Variants in WDFY4 observed in about 807,000 individuals in gnomAD.
The protein encoded by WDFY4 is WD repeat- and FYVE domain-containing protein 4.
In WDFY4, 169 loss-of-function variants were observed where a neutral mutation model predicts 351.9. The ratio of observed to expected loss-of-function variants is 0.48; its 90% CI spans 0.42 to 0.55. WDFY4 has a LOEUF of 0.55. Among genes scored for constraint, WDFY4 ranks in the 20% least tolerant of loss-of-function variants. The pLI is 0.00. For missense variants in WDFY4, 3,803 were observed against 3,935.6 expected, an observed-to-expected ratio of 0.97 and a Z score of 0.90; for synonymous variants, 1,622 against 1,574.6, an observed-to-expected ratio of 1.03 and a Z score of -0.71.
At chr10:48,833,720 T>G (rs2068278669) in intron 39 of WDFY4, among the ~76,000 whole-genome samples, 1 of 152,248 alleles carries the variant, frequency 6.6e-6, no homozygotes, top group Admixed American at 6.5e-5. Context: ...AGAGGTGGAC[T>G]GTGGTTTTTG....
rs1277030751 is a variant in WDFY4 at position 48,830,868 on chromosome 10, C to A, written c.6509C>A (p.Ala2170Asp). The part of the protein sequence containing the change: ...TPLWEETMLK[A>D]WQHYLASEKK... Reference sequence around the variant, plus strand: ...CTCTGGGAGGAGACGATGCTCAAGGCCTGGCAGCATTACTTAGGTCTCTAT... The same window carrying A: ...CTCTGGGAGGAGACGATGCTCAAGGACTGGCAGCATTACTTAGGTCTCTAT... Residue 2170 changes from alanine (A) to aspartate (D), a missense_variant, in exon 38 of 62, where the codon GCC becomes GAC. Transcript: ENST00000325239. 6.4e-7 allele frequency: 1 copy of A among 1,551,494 alleles called. No homozygotes were observed. Among genetic ancestry groups the A allele is most frequent in the Admixed American group, 2.0e-5 (1 of 50,988 alleles).
chr10:48,803,696 G>C (rs904195075), intron 25 of WDFY4, among the ~76,000 whole-genome samples: 1 of 152,152 alleles, frequency 6.6e-6, no homozygotes, highest in Non-Finnish European at 1.5e-5. Flanking sequence ...CCCTTCAAGT[G>C]GTAGAAATAC....
At chr10:48,832,478 C>A (rs2068222878) in intron 38 of WDFY4, 95 bp from the exon 39 acceptor site, 2 of 1,370,246 alleles carry the variant, frequency 1.5e-6, no homozygotes, top group Non-Finnish European at 1.9e-6. Flanking sequence ...ACAGGGGGCT[C>A]ATGCCCCTGG....
In WDFY4 at chr10:48,881,771, C is replaced by G. The variant is rs142487241; in HGVS notation, c.7167+4572C>G. Among the ~76,000 whole-genome samples the G allele has an allele frequency of 2.0e-4, 31 of 152,262 alleles. No homozygotes were observed. The East Asian group carries it at 5.6e-3, about 28-fold the overall frequency. On this transcript the variant is annotated intron_variant, in intron 43 of 61. Transcript: ENST00000325239. The stretch of plus-strand genomic sequence containing the variant: ...CTCTGTGGCCTGGCACTTCTCCTCC[C>G]CCTCACACCTCCACCAGCCAGGTCC...
At chr10:48,792,017 C>A (rs1426931902) in intron 23 of WDFY4, among the ~76,000 whole-genome samples, 1 of 152,174 alleles carries the variant, frequency 6.6e-6, no homozygotes, top group Admixed American at 6.5e-5. Flanking sequence ...GATACCATAT[C>A]CCAAACTCCC....
chr10:48,893,283 A>G (rs1836907363), intron 44 of WDFY4, among the ~76,000 whole-genome samples: 1 of 152,160 alleles, frequency 6.6e-6, no homozygotes, highest in Non-Finnish European at 1.5e-5. Context: ...GACCCATCCC[A>G]ATGGCTTCAT....
At chr10:48,724,235 C>T (rs1370883244) in intron 5 of WDFY4, among the ~76,000 whole-genome samples, 2 of 152,094 alleles carry the variant, frequency 1.3e-5, no homozygotes, top group African/African-American at 2.4e-5. Flanking sequence ...ACTGTGGGGC[C>T]CGTCGCTGTG....
chr10:48,733,373 T>C (rs900749389), intron 9 of WDFY4, among the ~76,000 whole-genome samples: 1 of 152,210 alleles, frequency 6.6e-6, no homozygotes. Context: ...TTTGCTGGCA[T>C]GGGGATTCAA....
chr10:48,693,293 G>A (rs982874950), intron 1 of WDFY4, among the ~76,000 whole-genome samples: 2 of 152,136 alleles, frequency 1.3e-5, no homozygotes, highest in African/African-American at 2.4e-5. Context: ...GAGCCTGGAG[G>A]CAGAGACTTG....
intron 39 of WDFY4, among the ~76,000 whole-genome samples, chr10:48,850,312 T>C (rs1466778977): frequency 6.6e-6 from 1 of 152,170 alleles, no homozygotes; most frequent in Non-Finnish European, 1.5e-5. Context: ...TCTAAGGAAG[T>C]TTTGTCTCTT....
intron 57 of WDFY4, among the ~76,000 whole-genome samples, chr10:48,974,276 G>A (rs1163871194): frequency 3.3e-5 from 5 of 152,016 alleles, no homozygotes; most frequent in Admixed American, 2.6e-4. Flanking sequence ...GCCAAGGCAG[G>A]TGGATCACTT....
At chr10:48,720,570 C>G (rs2064051095) in intron 3 of WDFY4, among the ~76,000 whole-genome samples, 1 of 151,820 alleles carries the variant, frequency 6.6e-6, no homozygotes, top group South Asian at 2.1e-4. Flanking sequence ...CACAGACACA[C>G]ACTCTACACA....
At chr10:48,837,648 G>A (rs556973272) in intron 39 of WDFY4, among the ~76,000 whole-genome samples, 68 of 152,314 alleles carry the variant, frequency 4.5e-4, no homozygotes, top group South Asian at 8.3e-4. Context: ...ACAGCACCTG[G>A]GGGTGGGAAG....
chr10:48,920,538 A>C (rs79816417), intron 47 of WDFY4, among the ~76,000 whole-genome samples: 21 of 151,938 alleles, frequency 1.4e-4, no homozygotes, highest in African/African-American at 4.6e-4. Context: ...GAAAAAAAAG[A>C]AAAAAAAAGC....
chr10:48,800,344 G>A (rs76166776), intron 24 of WDFY4, among the ~76,000 whole-genome samples: 2,461 of 152,298 alleles, frequency 0.016, 64 homozygotes, highest in African/African-American at 0.053. Context: ...CAGGAGAAAC[G>A]GTGGGATCCG....
chr10:48,894,998 G>A (rs976520008), intron 44 of WDFY4, among the ~76,000 whole-genome samples: 1 of 152,224 alleles, frequency 6.6e-6, no homozygotes, highest in Non-Finnish European at 1.5e-5. Context: ...GAACCAAAGC[G>A]GTGTTTTGTG....
Position 48,877,116 on chromosome 10 carries a change from C to G in WDFY4, c.7084C>G (p.His2362Asp), listed in dbSNP as rs955018757. ...CCAGCTGACCTTCTTCCCAGCCTTA[C>G]ACGAAAGTCTGCACTCAGAAGACTT... Reference protein sequence around the residue: ...CTQLTFFPALHESLHSEDFLE... With the variant: ...CTQLTFFPALDESLHSEDFLE... The change falls in exon 43 of 62, where the codon CAC becomes GAC. Residue 2362 changes from histidine (H) to aspartate (D), a missense_variant. Around this residue, in one of 3 missense-constraint regions of WDFY4, gnomAD observed 3,054 missense variants for 3,148.6 expected, o/e 0.97. Transcript: ENST00000325239. The G allele has an allele frequency of 2.6e-6, 4 of 1,550,114 alleles. No individual in the cohort carries two copies. The highest frequency in any genetic ancestry group is 2.4e-5 in the South Asian group (2 of 83,624).
intron 40 of WDFY4, among the ~76,000 whole-genome samples, chr10:48,868,586 C>A (rs942544876): frequency 6.6e-6 from 1 of 152,120 alleles, no homozygotes; most frequent in Non-Finnish European, 1.5e-5. Flanking sequence ...CATGGATTGA[C>A]AGATTTCACT....
intron 38 of WDFY4, among the ~76,000 whole-genome samples, 163 bp from the exon 39 acceptor site, chr10:48,832,410 G>A (rs2068220518): frequency 6.6e-6 from 1 of 152,258 alleles, no homozygotes; most frequent in South Asian, 2.1e-4. Context: ...CCAAAGGAAG[G>A]TCAGAAGACG....
Sources: gnomAD v4.1 joint callset for allele counts (sites outside exome capture counted in the v4.1 genomes callset) on GRCh38, gnomAD v4.1.1 for gene constraint, gnomAD v4.1.1 regional missense constraint, MANE v1.5 for transcripts, NCBI Gene and HGNC (gene_info 2026-07-23, HGNC 2026-07-21) for gene names.